Variants in GLG1 observed in about 807,000 individuals in gnomAD.
GLG1 encodes the protein Golgi apparatus protein 1.
A neutral mutation model predicts 160.5 loss-of-function variants in GLG1; 38 were observed. That is an observed-to-expected ratio of 0.24 (90% confidence interval 0.18 to 0.31). The LOEUF is 0.31. Among genes scored for constraint, GLG1 ranks in the 10% least tolerant of loss-of-function variants. GLG1 has a pLI of 1.00. For synonymous variants in GLG1, 644 were observed against 543.4 expected, an observed-to-expected ratio of 1.19 and a Z score of -2.57; for missense variants, 1,373 against 1,505.2, an observed-to-expected ratio of 0.91 and a Z score of 1.45.
In GLG1 at chr16:74,451,897, T is replaced by G; in HGVS notation, c.*1270A>C. 1.6e-6 allele frequency: 1 copy of G among 611,298 alleles called. No individual in the cohort carries two copies. Among genetic ancestry groups the G allele is most frequent in the Non-Finnish European group, 3.0e-6 (1 of 338,164 alleles). The allele number at this position is 611,298 out of a possible 1,614,324, so 37.9% of individuals were successfully genotyped here. A position where few individuals can be genotyped will look rare whatever the true frequency, so the allele number is the denominator to read the frequency against. On this transcript the variant is annotated 3_prime_UTR_variant, in exon 26 of 26. Transcript: ENST00000422840. Reference sequence around the variant, plus strand: ...TGATGAATCGCCAAAATACAACATTTAGCCAATGCCTACTAGAGTGGGTAC... The same window carrying G: ...TGATGAATCGCCAAAATACAACATTGAGCCAATGCCTACTAGAGTGGGTAC...
At chr16:74,542,735 G>GAAGGA (rs2017916705) in intron 1 of GLG1, among the ~76,000 whole-genome samples, 1 of 28,668 alleles carries the variant, frequency 3.5e-5, no homozygotes, top group Admixed American at 4.4e-4. Context: ...GGAAGGAAGG[G>GAAGGA]AGGAAGGAAG....
chr16:74,548,248 A>C (rs1313172654), intron 1 of GLG1, among the ~76,000 whole-genome samples: 22 of 151,874 alleles, frequency 1.4e-4, no homozygotes, highest in African/African-American at 4.1e-4. Context: ...TTACTTGGTA[A>C]AACCATAACA....
intron 1 of GLG1, among the ~76,000 whole-genome samples, chr16:74,547,937 T>G (rs998589565): frequency 1.3e-5 from 2 of 152,188 alleles, no homozygotes; most frequent in African/African-American, 2.4e-5. Flanking sequence ...TCCAAAGTTG[T>G]TTGTTTGTTT....
intron 1 of GLG1, among the ~76,000 whole-genome samples, chr16:74,589,223 C>T (rs1958120147): frequency 6.7e-6 from 1 of 150,242 alleles, no homozygotes; most frequent in Non-Finnish European, 1.5e-5. Flanking sequence ...CCACTGCACT[C>T]CAGCCTGGGT....
intron 3 of GLG1, among the ~76,000 whole-genome samples, chr16:74,506,862 T>C (rs1014625324): frequency 1.2e-4 from 18 of 152,122 alleles, no homozygotes; most frequent in African/African-American, 4.1e-4. Flanking sequence ...TAAATCATCA[T>C]CAACATATTT....
At chr16:74,562,610 C>G (rs184330892) in intron 1 of GLG1, among the ~76,000 whole-genome samples, 114 of 152,282 alleles carry the variant, frequency 7.5e-4, no homozygotes, top group Admixed American at 2.3e-3. Flanking sequence ...CAGGCATGCG[C>G]CACCACACCC....
intron 4 of GLG1, among the ~76,000 whole-genome samples, chr16:74,499,123 G>A (rs1224822676): frequency 6.6e-6 from 1 of 152,160 alleles, no homozygotes; most frequent in Admixed American, 6.6e-5. Context: ...TAACTCATTT[G>A]AGTTGTAGAA....
chr16:74,462,898 A>T (rs1479606798), intron 20 of GLG1: 2 of 484,446 alleles, frequency 4.1e-6, no homozygotes, highest in African/African-American at 3.9e-5. Flanking sequence ...GTCCTCAGAA[A>T]AATCAAGGGG....
chr16:74,525,160 T>C (rs989717463), intron 2 of GLG1, among the ~76,000 whole-genome samples: 1 of 152,110 alleles, frequency 6.6e-6, no homozygotes, highest in Non-Finnish European at 1.5e-5. Context: ...TGGGTATACA[T>C]CTAGCAGGGG....
chr16:74,598,048 G>A (rs1958348949), intron 1 of GLG1, among the ~76,000 whole-genome samples: 1 of 151,920 alleles, frequency 6.6e-6, no homozygotes, highest in Non-Finnish European at 1.5e-5. Flanking sequence ...AAATCAATAA[G>A]AATGATAATA....
intron 1 of GLG1, among the ~76,000 whole-genome samples, chr16:74,600,901 G>A (rs1177667064): frequency 2.0e-5 from 3 of 151,802 alleles, no homozygotes; most frequent in Admixed American, 6.6e-5. Flanking sequence ...TTATATAATC[G>A]CTTCTCGATC....
In GLG1 at chr16:74,452,329, T is replaced by A; in HGVS notation, c.*838A>T. 2.1e-6 allele frequency: 3 copies of A among 1,395,680 alleles called. No individual in the cohort carries two copies. Among genetic ancestry groups the A allele is most frequent in the Non-Finnish European group, 2.8e-6 (3 of 1,074,416 alleles). The allele number at this position is 1,395,680 out of a possible 1,614,324, so 86.5% of individuals were successfully genotyped here. On this transcript the variant is annotated 3_prime_UTR_variant, in exon 26 of 26. Transcript: ENST00000422840. ...TGCTGCCCTGGAGGAGGAAGGTTCCTGGGATCCTGCTGCCCCGGGACTCAG... is the reference window on the plus strand; with the variant it reads ...TGCTGCCCTGGAGGAGGAAGGTTCCAGGGATCCTGCTGCCCCGGGACTCAG...
In GLG1 at chr16:74,491,187, C is replaced by A. The variant is rs2015969653; in HGVS notation, c.1263G>T (p.Gly421=). 1 of 1,613,838 alleles carries A rather than the reference C, an allele frequency of 6.2e-7. No homozygotes were observed. Among genetic ancestry groups the A allele is most frequent in the African/African-American group, 1.3e-5 (1 of 74,916 alleles). ...ACATGCGTCGGTAATCCAGCATCTC[C>A]CCCTGGCACTCACTGCTGACTTGTC... ...RGRQVSSECQ[G]EMLDYRRMLM... The change falls in exon 8 of 26, where the codon GGG becomes GGT. Residue 421 remains glycine, a synonymous_variant. Transcript: ENST00000422840.
At chr16:74,542,556 A>C (rs1420484898) in intron 1 of GLG1, among the ~76,000 whole-genome samples, 3 of 151,296 alleles carry the variant, frequency 2.0e-5, no homozygotes, top group East Asian at 3.9e-4. Flanking sequence ...CTGTAATCCC[A>C]GCTACTTTGG....
chr16:74,606,829 T>A lies in GLG1; in HGVS notation c.266A>T (p.Gln89Leu). The stretch of plus-strand genomic sequence containing the variant: ...AGGCCCACCCGCCGGGAAAGGCGGC[T>A]GCGGCGGCTGAGGCTGCTGTTGCTG... ...QQQQQQPQPP[Q>L]PPFPAGGPPA... The change falls in exon 1 of 26, where the codon CAG becomes CTG. Residue 89 changes from glutamine (Q) to leucine (L), a missense_variant. Transcript: ENST00000422840. 1 of 1,602,152 alleles carries A rather than the reference T, an allele frequency of 6.2e-7. No individual in the cohort carries two copies. Among genetic ancestry groups the A allele is most frequent in the East Asian group, 2.2e-5 (1 of 44,446 alleles).
At chr16:74,542,708 G>GGAAGGGAGGGA (rs1408523256) in intron 1 of GLG1, among the ~76,000 whole-genome samples, 12 of 49,944 alleles carry the variant, frequency 2.4e-4, no homozygotes, top group Admixed American at 2.9e-4. Context: ...GAGGGAGGAA[G>GGAAGGGAGGGA]GGAAGAAGGG....
chr16:74,469,200 A>AT (rs2015110382), intron 16 of GLG1, 137 bp from the exon 17 acceptor site: 9 of 635,818 alleles, frequency 1.4e-5, no homozygotes, highest in South Asian at 3.8e-5. Context: ...GGCTCACTGT[A>AT]TTTTTTTTCA....
intron 1 of GLG1, among the ~76,000 whole-genome samples, chr16:74,592,671 G>A (rs758519602): frequency 3.3e-5 from 5 of 152,160 alleles, no homozygotes; most frequent in Non-Finnish European, 7.3e-5. Flanking sequence ...ACTGGTAAGT[G>A]AGCTAGGGTT....
intron 1 of GLG1, among the ~76,000 whole-genome samples, chr16:74,542,042 G>A (rs1282603754): frequency 7.0e-6 from 1 of 143,856 alleles, no homozygotes; most frequent in South Asian, 2.4e-4. Flanking sequence ...AAGGGGTGGT[G>A]GCAGGGAGGA....
Sources: gnomAD v4.1 joint callset for allele counts (sites outside exome capture counted in the v4.1 genomes callset) on GRCh38, gnomAD v4.1.1 for gene constraint, MANE v1.5 for transcripts, NCBI Gene and HGNC (gene_info 2026-07-23, HGNC 2026-07-21) for gene names.